Variants in PLCG2 observed in about 807,000 individuals in gnomAD.
PLCG2 encodes the protein phospholipase C gamma 2.
PLCG2 carries 69 observed loss-of-function variants against 175.6 expected under a neutral mutation model. The ratio of observed to expected loss-of-function variants is 0.39; its 90% CI spans 0.32 to 0.48. The LOEUF (loss-of-function observed/expected upper bound fraction) is 0.48. Ranked by LOEUF, PLCG2 falls within the 20% of genes least tolerant of loss-of-function variation. The pLI, the probability that PLCG2 is intolerant of heterozygous loss-of-function variation, is 0.91. For synonymous variants in PLCG2, 827 were observed against 624.0 expected (o/e 1.33, Z -4.85); for missense variants, 1,798 against 1,650.9 (o/e 1.09, Z -1.54).
At chr16:81,828,300 C>G (rs975774925) in intron 2 of PLCG2, among the ~76,000 whole-genome samples, 1 of 120,714 alleles carries the variant, frequency 8.3e-6, no homozygotes, top group African/African-American at 3.2e-5. Flanking sequence ...GGCTGGAATG[C>G]AGTGGTGTGA....
Position 81,855,035 on chromosome 16 carries a change from C to T in PLCG2, c.337+448C>T, listed in dbSNP as rs566347930. Among the ~76,000 whole-genome samples the T allele has an allele frequency of 4.2e-3, 642 of 151,934 alleles. 6 individuals are homozygous for T. Among genetic ancestry groups the T allele is most frequent in the African/African-American group, 0.015 (622 of 41,414 alleles). On this transcript the variant is annotated intron_variant, in intron 3 of 32. Coordinates refer to ENST00000564138, the MANE Select transcript of PLCG2 (RefSeq NM_002661.5). The stretch of plus-strand genomic sequence containing the variant: ...GACCAGCATGGCCAACATGGTGAAA[C>T]CCTGTCTCTACTAAAAATACAAAAA...
At chr16:81,885,878 C>T (rs1230956658) in intron 9 of PLCG2, among the ~76,000 whole-genome samples, 2 of 152,182 alleles carry the variant, frequency 1.3e-5, no homozygotes, top group Admixed American at 6.5e-5. Context: ...CTTCCTAGTG[C>T]CGGGGTTGAA....
intron 1 of PLCG2, among the ~76,000 whole-genome samples, chr16:81,748,066 G>C (rs1011225100): frequency 2.6e-5 from 4 of 152,094 alleles, no homozygotes; most frequent in Non-Finnish European, 5.9e-5. Flanking sequence ...GTAGAAACAG[G>C]GTGGCCCCAT....
At chr16:81,950,059 G>C (rs1911306834) in intron 31 of PLCG2, among the ~76,000 whole-genome samples, 1 of 152,178 alleles carries the variant, frequency 6.6e-6, no homozygotes, top group South Asian at 2.1e-4. Flanking sequence ...ACTTGACCAA[G>C]AGAGTAAAAA....
At position 81,740,880 on chromosome 16, in the gene PLCG2, G is replaced by A. The variant is rs994938254; in HGVS notation, c.-145+1495G>A. ...AAAAAGAATGAAACCAACCCATTGA[G>A]GGTTCTCTTGAGTCCCTGGATTCAC... On this transcript the variant is annotated intron_variant, in intron 1 of 5. Coordinates refer to the PLCG2 transcript ENST00000565054. 2.6e-5 allele frequency among the ~76,000 whole-genome samples: 4 copies of A among 152,222 alleles called. No individual in the cohort carries two copies. In the South Asian group the frequency reaches 8.3e-4, roughly 32 times the overall value.
rs1910824232 is a variant in PLCG2 at position 81,938,866 on chromosome 16, G to C, written c.3264G>C (p.Glu1088Asp). The change falls in exon 29 of 33, where the codon GAG becomes GAC. Residue 1088 changes from glutamate (E) to aspartate (D), a missense_variant. Coordinates refer to ENST00000564138, the MANE Select transcript of PLCG2 (RefSeq NM_002661.5). Reference protein sequence around the residue: ...RSIACPFVEVEICGAEYDNNK... With the variant: ...RSIACPFVEVDICGAEYDNNK... ...TTGCCTGTCCCTTTGTAGAAGTGGA[G>C]ATCTGTGGAGCCGAGTATGACAACA... 6.2e-7 allele frequency: 1 copy of C among 1,613,806 alleles called. No homozygotes were observed. The highest frequency in any genetic ancestry group is 1.7e-5 in the Admixed American group (1 of 60,006).
At chr16:81,765,188 A>G (rs928533449) in intron 2 of PLCG2, among the ~76,000 whole-genome samples, 2 of 152,276 alleles carry the variant, frequency 1.3e-5, no homozygotes, top group African/African-American at 4.8e-5. Flanking sequence ...TGAAGGCAAC[A>G]CAGCGACACA....
intron 19 of PLCG2, among the ~76,000 whole-genome samples, chr16:81,915,763 G>C (rs1396961415): frequency 2.0e-5 from 3 of 151,956 alleles, no homozygotes; most frequent in Non-Finnish European, 4.4e-5. Flanking sequence ...CCTGACCTTG[G>C]CTCTGTACCT....
intron 5 of PLCG2, among the ~76,000 whole-genome samples, chr16:81,860,175 T>TTATTATTATTTA (rs1567503036): frequency 5.6e-5 from 5 of 89,380 alleles, no homozygotes; most frequent in African/African-American, 2.0e-4. Flanking sequence ...TATTATTATT[T>TTATTATTATTTA]TTTTTTTTTT....
At chr16:81,920,116 C>T (rs1331693188) in intron 20 of PLCG2, among the ~76,000 whole-genome samples, 1 of 152,134 alleles carries the variant, frequency 6.6e-6, no homozygotes, top group African/African-American at 2.4e-5. Context: ...CGGAATCAAG[C>T]CAGCCCAGGT....
At chr16:81,864,059 G>A (rs1436724811) in intron 5 of PLCG2, among the ~76,000 whole-genome samples, 1 of 152,200 alleles carries the variant, frequency 6.6e-6, no homozygotes, top group Non-Finnish European at 1.5e-5. Flanking sequence ...AGATTCTTCT[G>A]TGAAGCTGGG....
intron 2 of PLCG2, among the ~76,000 whole-genome samples, chr16:81,808,876 G>A (rs1195302954): frequency 6.6e-6 from 1 of 152,204 alleles, no homozygotes; most frequent in Admixed American, 6.5e-5. Context: ...GCTTATCAGA[G>A]CATGCTGGAG....
At chr16:81,884,401 A>G (rs971837979) in intron 9 of PLCG2, among the ~76,000 whole-genome samples, 7 of 152,154 alleles carry the variant, frequency 4.6e-5, no homozygotes, top group Non-Finnish European at 7.3e-5. Flanking sequence ...AAAAAAGTCA[A>G]AGAAGTATTC....
chr16:81,927,198 C>G lies in PLCG2; in HGVS notation c.2514+20C>G. On this transcript the variant is annotated intron_variant, in intron 23 of 32. Coordinates refer to ENST00000564138, the MANE Select transcript of PLCG2 (RefSeq NM_002661.5). ...AAGCAGGTGAGTCCCCCTCTTCGAT[C>G]CTCTTACAGGAAGAAGGGATCTGCA... 1 of 1,535,618 alleles carries G rather than the reference C, an allele frequency of 6.5e-7. No homozygotes were observed. The highest frequency in any genetic ancestry group is 9.0e-7 in the Non-Finnish European group (1 of 1,108,374).
intron 19 of PLCG2, among the ~76,000 whole-genome samples, chr16:81,913,336 G>A (rs990761791): frequency 6.6e-6 from 1 of 152,224 alleles, no homozygotes; most frequent in African/African-American, 2.4e-5. Flanking sequence ...TCCTAACCGT[G>A]TTCTAGACAC....
intron 2 of PLCG2, among the ~76,000 whole-genome samples, chr16:81,830,309 T>G (rs2143380792): frequency 6.6e-6 from 1 of 152,208 alleles, no homozygotes; most frequent in East Asian, 1.9e-4. Flanking sequence ...TGTCTTTTTC[T>G]TCTTCTTTTT....
chr16:81,905,241 G>T (rs1972127343), intron 14 of PLCG2, among the ~76,000 whole-genome samples, 162 bp from the exon 15 acceptor site: 2 of 152,214 alleles, frequency 1.3e-5, no homozygotes, highest in Admixed American at 1.3e-4. Flanking sequence ...CCTCGTTCAG[G>T]GTAACCTGGA....
intron 2 of PLCG2, among the ~76,000 whole-genome samples, chr16:81,758,972 C>T (rs1480991622): frequency 6.6e-6 from 1 of 152,220 alleles, no homozygotes. Context: ...GCCACCGCAC[C>T]CGGCTATCGT....
chr16:81,889,695 C>T (rs1378628595), intron 10 of PLCG2, among the ~76,000 whole-genome samples: 1 of 152,108 alleles, frequency 6.6e-6, no homozygotes, highest in Non-Finnish European at 1.5e-5. Flanking sequence ...CAGTCTGTCA[C>T]CCAGCCTGGA....
Sources: allele counts gnomAD v4.1 joint callset (sites outside exome capture counted in the v4.1 genomes callset), GRCh38; gene constraint gnomAD v4.1.1; transcripts MANE v1.5; gene names NCBI Gene and HGNC (gene_info 2026-07-23, HGNC 2026-07-21).